PCDHGA5: variants seen among roughly 807,000 people sequenced by gnomAD.
PCDHGA5 encodes protocadherin gamma-A5.
Under a neutral mutation model 56.7 loss-of-function variants are expected in PCDHGA5, and 36 were observed. The ratio of observed to expected loss-of-function variants is 0.64; its 90% CI spans 0.49 to 0.84. PCDHGA5 has a LOEUF of 0.84. Among genes scored for constraint, PCDHGA5 ranks in the 40% least tolerant of loss-of-function variants. The pLI is 0.00. For synonymous variants in PCDHGA5, 563 were observed against 520.2 expected (o/e 1.08, Z -1.12); for missense variants, 1,305 against 1,201.5 (o/e 1.09, Z -1.27).
chr5:141,470,768 G>T (rs2099239559), intron 1 of PCDHGA5, among the ~76,000 whole-genome samples: 1 of 152,142 alleles, frequency 6.6e-6, no homozygotes, highest in South Asian at 2.1e-4. Context: ...ACTCACTACA[G>T]TCTTGAATTC....
At chr5:141,408,401 C>T in intron 1 of PCDHGA5, 2 of 1,614,010 alleles carry the variant, frequency 1.2e-6, no homozygotes, top group Non-Finnish European at 8.5e-7. Context: ...TCGCAAGCTG[C>T]GAGTGAGCGC....
rs978109236 is a variant in PCDHGA5, at chr5:141,418,889, A to G, written c.2421+52138A>G. 1.9e-6 allele frequency: 3 copies of G among 1,614,020 alleles called. No homozygotes were observed. The African/African-American group carries it at 4.0e-5, about 21-fold the overall frequency. On this transcript the variant is annotated intron_variant, in intron 1 of 3. Coordinates refer to ENST00000518069, the MANE Select transcript of PCDHGA5 (RefSeq NM_018918.3). Reference sequence around the variant, plus strand: ...AGAAGTTGTAGACGAAAACGACAACAGCCCAGAAATAATCATCACGTCACT... The same window carrying G: ...AGAAGTTGTAGACGAAAACGACAACGGCCCAGAAATAATCATCACGTCACT...
At chr5:141,407,429 C>T (rs2094929018) in intron 1 of PCDHGA5, among the ~76,000 whole-genome samples, 1 of 151,532 alleles carries the variant, frequency 6.6e-6, no homozygotes, top group Admixed American at 6.6e-5. Flanking sequence ...ATGTCTCTTG[C>T]CCTTAAAACC....
In PCDHGA5 at chr5:141,415,247, C is replaced by T. The variant is rs181239359; in HGVS notation, c.2421+48496C>T. The stretch of plus-strand genomic sequence containing the variant: ...GAGTCTCCAGCTAACTCTGAAACCT[C>T]AGACCTCACTCTGTACCTGGTGGTA... On this transcript the variant is annotated intron_variant, in intron 1 of 3. Transcript: ENST00000518069. 958 of 1,614,210 alleles carry T rather than the reference C, an allele frequency of 5.9e-4. 13 individuals are homozygous for T. The East Asian group carries it at 0.015, about 25-fold the overall frequency.
chr5:141,422,777 C>CCCTACAAT, intron 1 of PCDHGA5: 2 of 1,613,982 alleles, frequency 1.2e-6, no homozygotes, highest in Non-Finnish European at 1.7e-6. Context: ...GTTCTCTATG[C>CCCTACAAT]CCTACAATCC....
At chr5:141,451,925 G>A (rs1391178313) in intron 1 of PCDHGA5, among the ~76,000 whole-genome samples, 2 of 152,012 alleles carry the variant, frequency 1.3e-5, no homozygotes, top group East Asian at 3.8e-4. Context: ...AGGAAGGGAG[G>A]TAGGGAGGCA....
chr5:141,432,686 G>A lies in PCDHGA5; in HGVS notation c.2422-62121G>A. On this transcript the variant is annotated intron_variant, in intron 1 of 3. Transcript: ENST00000518069. The surrounding 1 kb of genome is among the most constrained non-coding windows in gnomAD (Gnocchi z 6.0). The stretch of plus-strand genomic sequence containing the variant: ...CAGAGACGCGCTCAAGCAGAGCCTC[G>A]TAGTGGCCGTCCAGGACCACGGCCA... 2 of 1,613,922 alleles carry A rather than the reference G, an allele frequency of 1.2e-6. No homozygotes were observed. The highest frequency in any genetic ancestry group is 1.7e-5 in the Admixed American group (1 of 60,020).
rs767400679 is a variant in PCDHGA5, at chr5:141,476,863, C to T, written c.2422-17944C>T. 2.2e-5 allele frequency: 35 copies of T among 1,613,740 alleles called. No individual in the cohort carries two copies. Among genetic ancestry groups the T allele is most frequent in the Non-Finnish European group, 2.8e-5 (33 of 1,180,062 alleles). On this transcript the variant is annotated intron_variant, in intron 1 of 3. Coordinates refer to ENST00000518069, the MANE Select transcript of PCDHGA5 (RefSeq NM_018918.3). The surrounding 1 kb of genome is among the most constrained non-coding windows in gnomAD (Gnocchi z 7.6). ...CGCCTGTCTTCAACCAGTCCTTGTA[C>T]CGGGCGCGCGTCCTGGAGGATGCAC...
chr5:141,418,248 C>T (rs372067603), intron 1 of PCDHGA5: 7 of 1,613,882 alleles, frequency 4.3e-6, no homozygotes, highest in African/African-American at 1.3e-5. Flanking sequence ...AATGACCACG[C>T]CCCTCAATTC....
intron 1 of PCDHGA5, chr5:141,421,734 G>T: frequency 6.2e-7 from 1 of 1,613,948 alleles, no homozygotes; most frequent in Non-Finnish European, 8.5e-7. Flanking sequence ...ACTCCCTCCA[G>T]AGCTACCAGC....
intron 1 of PCDHGA5, among the ~76,000 whole-genome samples, chr5:141,453,393 A>G (rs2098764590): frequency 6.6e-6 from 1 of 152,018 alleles, no homozygotes; most frequent in Non-Finnish European, 1.5e-5. Flanking sequence ...CTTAGCCTCC[A>G]AGTGCTGGTA....
chr5:141,370,403 T>C (rs1766874006), intron 1 of PCDHGA5: 2 of 1,554,604 alleles, frequency 1.3e-6, no homozygotes, highest in Non-Finnish European at 1.7e-6. Context: ...GGATGGGAAA[T>C]AGCTCCGGAT....
intron 1 of PCDHGA5, chr5:141,478,902 GCTGCTGGATAC>G: frequency 1.0e-6 from 1 of 978,788 alleles, no homozygotes. Context: ...TTAGGAATAA[GCTGCTGGATAC>G]CTCTAACCAG....
At position 141,366,149 on chromosome 5, in the gene PCDHGA5, C is replaced by A; in HGVS notation, c.1819C>A (p.Arg607Ser). The change falls in exon 1 of 4, where the codon CGC (arginine) becomes AGC (serine). Residue 607 changes from arginine to serine, a missense_variant. By Grantham distance (110) the Arg-to-Ser change is moderately radical (BLOSUM62 -1). Coordinates refer to ENST00000518069, the MANE Select transcript of PCDHGA5 (RefSeq NM_018918.3). The part of the protein sequence containing the change: ...DSGQNAWLSY[R>S]LLKASEPGLF... ...AGGCCAGAACGCCTGGCTGTCCTAC[C>A]GCCTGCTTAAGGCCAGCGAGCCAGG... is the stretch of plus-strand genomic sequence containing the variant. The A allele has an allele frequency of 4.3e-6, 7 of 1,614,160 alleles. No individual in the cohort carries two copies. Among genetic ancestry groups the A allele is most frequent in the Non-Finnish European group, 5.9e-6 (7 of 1,180,048 alleles).
chr5:141,435,883 C>A (rs1458527952), intron 1 of PCDHGA5, among the ~76,000 whole-genome samples: 1 of 152,020 alleles, frequency 6.6e-6, no homozygotes, highest in African/African-American at 2.4e-5. Flanking sequence ...GATTGGAAAC[C>A]CCTTAGAGAA....
intron 1 of PCDHGA5, chr5:141,410,801 A>G (rs2095424401): frequency 3.4e-6 from 2 of 587,942 alleles, no homozygotes; most frequent in Admixed American, 4.2e-5. Context: ...AAGTTGCTCT[A>G]TCTTTTTGTA....
intron 1 of PCDHGA5, among the ~76,000 whole-genome samples, chr5:141,445,447 A>G (rs974383838): frequency 3.4e-4 from 51 of 152,222 alleles, no homozygotes; most frequent in Admixed American, 1.3e-3. Flanking sequence ...TGGACTAAGG[A>G]TGCAGCAATG....
Position 141,486,098 on chromosome 5 carries a change from G to A in PCDHGA5, c.2422-8709G>A, listed in dbSNP as rs1211678224. ...AAAGCTTACTCTTTTGGGGCCCCTA[G>A]ACTTTGAGAGTGAGAATTACTATGA... On this transcript the variant is annotated intron_variant, in intron 1 of 3. Transcript: ENST00000518069. This position sits in a 1 kb window ranked among gnomAD's most constrained non-coding sequence, Gnocchi z 5.0. 5.0e-6 allele frequency: 8 copies of A among 1,614,032 alleles called. No homozygotes were observed. Among genetic ancestry groups the A allele is most frequent in the Admixed American group, 3.3e-5 (2 of 59,994 alleles).
chr5:141,390,098 C>A (rs2092044435), intron 1 of PCDHGA5: 1 of 1,613,924 alleles, frequency 6.2e-7, no homozygotes, highest in Non-Finnish European at 8.5e-7. Context: ...CCGTGGTTCC[C>A]CCCAACTACA....
Sources: gnomAD v4.1 joint callset for allele counts (sites outside exome capture counted in the v4.1 genomes callset) on GRCh38, gnomAD v4.1.1 for gene constraint, Gnocchi (gnomAD v3.1) non-coding constraint, MANE v1.5 for transcripts, NCBI Gene and HGNC (gene_info 2026-07-23, HGNC 2026-07-21) for gene names.